Variants in MED15 observed in about 807,000 individuals in gnomAD.
The protein encoded by MED15 is mediator complex subunit 15.
In MED15, 41 loss-of-function variants were observed where a neutral mutation model predicts 118.7. That is an observed-to-expected ratio of 0.35 (90% confidence interval 0.27 to 0.45). The LOEUF is 0.45. Ranked by LOEUF, MED15 falls within the 20% of genes least tolerant of loss-of-function variation. MED15 has a pLI of 1.00. For missense variants in MED15, 740 were observed against 1,025.5 expected, an observed-to-expected ratio of 0.72 and a Z score of 3.80; for synonymous variants, 436 against 413.9, an observed-to-expected ratio of 1.05 and a Z score of -0.65.
intron 2 of MED15, among the ~76,000 whole-genome samples, chr22:20,545,391 A>G (rs1255141342): frequency 6.6e-6 from 1 of 150,728 alleles, no homozygotes; most frequent in Non-Finnish European, 1.5e-5. Context: ...AGGCAGGAGA[A>G]TCACTTGAAC....
chr22:20,559,882 C>T (rs2056166608), intron 5 of MED15, among the ~76,000 whole-genome samples: 1 of 152,118 alleles, frequency 6.6e-6, no homozygotes, highest in Non-Finnish European at 1.5e-5. Flanking sequence ...TTCCTCTTCC[C>T]TCTCAGGTGA....
intron 9 of MED15, chr22:20,582,168 G>A (rs1044349952): frequency 1.3e-5 from 3 of 228,260 alleles, no homozygotes; most frequent in Non-Finnish European, 2.6e-5. Context: ...GGGGGCTGCG[G>A]GGGCTTGTGG....
intron 1 of MED15, among the ~76,000 whole-genome samples, chr22:20,535,940 C>T (rs1417413172): frequency 6.8e-6 from 1 of 146,184 alleles, no homozygotes; most frequent in African/African-American, 2.5e-5. Flanking sequence ...TGCAGTGGCG[C>T]AATCTCGGCT....
intron 1 of MED15, among the ~76,000 whole-genome samples, chr22:20,528,093 T>C (rs547998742): frequency 7.2e-5 from 11 of 152,324 alleles, no homozygotes; most frequent in African/African-American, 2.4e-4. Flanking sequence ...CTTGCTGAAT[T>C]TCTGTTACCG....
chr22:20,507,778 G>A, intron 1 of MED15, 32 bp downstream of exon 1: 1 of 1,613,576 alleles, frequency 6.2e-7, no homozygotes, highest in Non-Finnish European at 8.5e-7. Flanking sequence ...GGGCTGGATT[G>A]TGGGACCTTC....
In MED15 at chr22:20,582,402, G is replaced by GC. The variant is rs371867732; in HGVS notation, c.1273-201dup. ...AAGGAGCAAGGGCTGCCCTGCCTGG[G>GC]CCCCCCCCGCCAGCCCCTTGGTCAC... On this transcript the variant is annotated intron_variant, in intron 9 of 17. Coordinates refer to ENST00000263205, the MANE Select transcript of MED15 (RefSeq NM_001003891.3). The GC allele has an allele frequency of 2.5e-3, 1,773 of 716,668 alleles. 4 individuals carry two copies. Among genetic ancestry groups the GC allele is most frequent in the African/African-American group, 9.0e-3 (484 of 54,062 alleles). 44.4% of individuals were successfully genotyped at this position (716,668 alleles called of 1,614,324 possible). A position where few individuals can be genotyped will look rare whatever the true frequency, so the allele number is the denominator to read the frequency against.
At chr22:20,511,018 CTCTA>C (rs2054045195) in intron 1 of MED15, among the ~76,000 whole-genome samples, 1 of 152,084 alleles carries the variant, frequency 6.6e-6, no homozygotes, top group Admixed American at 6.6e-5. Flanking sequence ...TTCACTTTCT[CTCTA>C]GGGTTCACGT....
intron 9 of MED15, 135 bp from the exon 10 acceptor site, chr22:20,582,476 G>A (rs1199176430): frequency 2.2e-6 from 3 of 1,367,370 alleles, no homozygotes; most frequent in South Asian, 2.7e-5. Flanking sequence ...GTATGTCCAG[G>A]TGGCATTTGG....
intron 2 of MED15, among the ~76,000 whole-genome samples, chr22:20,547,217 TG>T (rs1214111495): frequency 6.6e-6 from 1 of 152,224 alleles, no homozygotes; most frequent in Non-Finnish European, 1.5e-5. Flanking sequence ...AAGTTCTAAT[TG>T]TCCTTAAAAT....
intron 1 of MED15, chr22:20,508,042 T>A: frequency 7.2e-7 from 1 of 1,380,024 alleles, no homozygotes; most frequent in South Asian, 1.5e-5. Flanking sequence ...TTTCCCCCGC[T>A]TTTTGAACCA....
At chr22:20,559,059 G>A (rs1289424509) in intron 5 of MED15, among the ~76,000 whole-genome samples, 1 of 152,172 alleles carries the variant, frequency 6.6e-6, no homozygotes, top group Non-Finnish European at 1.5e-5. Flanking sequence ...GGGAGGCTAA[G>A]GCAGGGGGAT....
rs2056401521 is a variant in MED15 at position 20,565,459 on chromosome 22, T to C, written c.690+771T>C. 5.3e-5 allele frequency among the ~76,000 whole-genome samples: 8 copies of C among 152,334 alleles called. No homozygotes were observed. In the South Asian group the frequency reaches 1.7e-3, roughly 32 times the overall value. The stretch of plus-strand genomic sequence containing the variant: ...GTTGCATGAGGTGATGGTGATGTCA[T>C]GTTAGCAGCACTGCTTCTCAGAAGT... On this transcript the variant is annotated intron_variant, in intron 6 of 17. Coordinates refer to ENST00000263205, the MANE Select transcript of MED15 (RefSeq NM_001003891.3).
chr22:20,575,327 C>A, intron 9 of MED15, 95 bp downstream of exon 9: 2 of 1,439,102 alleles, frequency 1.4e-6, no homozygotes, highest in South Asian at 1.3e-5. Context: ...TCGCCGGTGA[C>A]TTCTTTTATG....
chr22:20,551,739 T>C (rs1429225480), intron 3 of MED15: 1 of 548,378 alleles, frequency 1.8e-6, no homozygotes, highest in Non-Finnish European at 3.3e-6. Flanking sequence ...CTAAACGGGT[T>C]GCTGCTTCAC....
intron 1 of MED15, among the ~76,000 whole-genome samples, chr22:20,514,009 C>T (rs888466042): frequency 1.3e-5 from 2 of 152,204 alleles, no homozygotes; most frequent in East Asian, 1.9e-4. Context: ...GTACTACAGA[C>T]GCATGCCACC....
In MED15 at chr22:20,566,629, G is replaced by A; in HGVS notation, c.853G>A (p.Ala285Thr). Residue 285 changes from alanine to threonine, a missense_variant, in exon 7 of 18, where the codon GCT becomes ACT. Coordinates refer to ENST00000263205, the MANE Select transcript of MED15 (RefSeq NM_001003891.3). ...MQQPQPPPSQ[A>T]LPQQLQQMHH... The stretch of plus-strand genomic sequence containing the variant: ...GCAGCCACAGCCTCCGCCCTCCCAG[G>A]CTCTGCCCCAGCAGCTGCAGCAGAT... 1 of 1,613,920 alleles carries A rather than the reference G, an allele frequency of 6.2e-7. No homozygotes were observed. The highest frequency in any genetic ancestry group is 1.1e-5 in the South Asian group (1 of 91,066).
chr22:20,548,182 C>CA (rs2055629010), intron 2 of MED15, among the ~76,000 whole-genome samples: 1 of 151,864 alleles, frequency 6.6e-6, no homozygotes, highest in African/African-American at 2.4e-5. Context: ...TGTTTTGAGA[C>CA]AGAGTTTTCA....
intron 5 of MED15, among the ~76,000 whole-genome samples, chr22:20,558,742 T>C (rs1031735067): frequency 2.0e-5 from 3 of 152,118 alleles, no homozygotes; most frequent in African/African-American, 7.2e-5. Context: ...GGATTTGTGC[T>C]GGGTCCTGTG....
chr22:20,582,603 A>G lies in MED15; in HGVS notation c.1273-8A>G. On this transcript the variant is annotated splice_polypyrimidine_tract_variant and splice_region_variant and intron_variant, in intron 9 of 17. Transcript: ENST00000263205. ...GGCAGCGCGCCGGCTGAGCCCCTCCACTTCCAGGTCAGCCAGAGCAGCCTC... is the reference window on the plus strand; with the variant it reads ...GGCAGCGCGCCGGCTGAGCCCCTCCGCTTCCAGGTCAGCCAGAGCAGCCTC... The G allele has an allele frequency of 6.5e-7, 1 of 1,544,944 alleles. No individual in the cohort carries two copies. The highest frequency in any genetic ancestry group is 8.7e-7 in the Non-Finnish European group (1 of 1,151,128).
Sources: allele counts gnomAD v4.1 joint callset (sites outside exome capture counted in the v4.1 genomes callset), GRCh38; gene constraint gnomAD v4.1.1; transcripts MANE v1.5; gene names NCBI Gene and HGNC (gene_info 2026-07-23, HGNC 2026-07-21).